The following HECW2 variants were observed in gnomAD, a reference collection of about 807,000 sequenced individuals.
HECW2 encodes HECT, C2 and WW domain containing E3 ubiquitin protein ligase 2, also known as E3 ubiquitin-protein ligase HECW2.
HECW2 carries 61 observed loss-of-function variants against 175.2 expected under a neutral mutation model. That is an observed-to-expected ratio of 0.35 (90% CI 0.28 to 0.43). The LOEUF is 0.43. HECW2 is among the 20% of genes least tolerant of loss of function. HECW2 has a pLI of 1.00. For synonymous variants in HECW2, 671 were observed against 731.0 expected (o/e 0.92, Z 1.32); for missense variants, 1,524 against 2,000.5 (o/e 0.76, Z 4.54).
intron 3 of HECW2, among the ~76,000 whole-genome samples, chr2:196,337,235 G>A (rs1692580518): frequency 6.6e-6 from 1 of 152,090 alleles, no homozygotes; most frequent in African/African-American, 2.4e-5. Context: ...TGCTCAGAAG[G>A]ATGGAAAAGG....
intron 1 of HECW2, among the ~76,000 whole-genome samples, chr2:196,491,472 G>GTA (rs71012914): frequency 0.71 from 96,961 of 136,778 alleles, 34,988 homozygotes; most frequent in East Asian, 0.9. Context: ...TTAGGTGTGT[G>GTA]TATATATATA....
chr2:196,588,865 C>T (rs1322968838), intron 1 of HECW2, among the ~76,000 whole-genome samples: 1 of 151,986 alleles, frequency 6.6e-6, no homozygotes, highest in Admixed American at 6.6e-5. Context: ...CAAAAGTGTC[C>T]TTGTCTGGAT....
rs767670181 is a variant in HECW2 at position 196,215,930 on chromosome 2, G to A, written c.4542C>T (p.Leu1514=). The A allele has an allele frequency of 1.2e-6, 2 of 1,613,912 alleles. No homozygotes were observed. Among genetic ancestry groups the A allele is most frequent in the African/African-American group, 1.3e-5 (1 of 74,900 alleles). Residue 1514 remains leucine (L), a synonymous_variant, in exon 28 of 29, where the codon CTC becomes CTT. Coordinates refer to ENST00000644978, the MANE Select transcript of HECW2 (RefSeq NM_001348768.2). ...ATCTTCTTGGGCCGTTACTCCCTCG[G>A]AGTGAAGCAAATCCTTCATAGGGAA... The part of the protein sequence containing the change: ...SSIPYEGFAS[L]RGSNGPRRFC...
At chr2:196,550,006 A>G (rs745858081) in intron 1 of HECW2, among the ~76,000 whole-genome samples, 6 of 152,242 alleles carry the variant, frequency 3.9e-5, no homozygotes, top group Non-Finnish European at 5.9e-5. Flanking sequence ...TGATAAACAC[A>G]GAATCTTCAA....
At chr2:196,227,737 TCCTCATCCCCA>T (rs1043369243) in intron 22 of HECW2, among the ~76,000 whole-genome samples, 4 of 152,124 alleles carry the variant, frequency 2.6e-5, no homozygotes, top group African/African-American at 9.7e-5. Context: ...GCCCTTCCCC[TCCTCATCCCCA>T]CCTCAGCTTA....
chr2:196,303,280 G>T (rs112015107), intron 13 of HECW2, among the ~76,000 whole-genome samples: 4,078 of 152,290 alleles, frequency 0.027, 83 homozygotes, highest in South Asian at 0.093. Flanking sequence ...GATTGTGGTG[G>T]ATAACTTTTT....
rs143511416 is a variant in HECW2 at position 196,217,066 on chromosome 2, C to T, written c.4436G>A (p.Arg1479Gln). 22 of 1,576,548 alleles carry T rather than the reference C, an allele frequency of 1.4e-5. No individual in the cohort carries two copies. Among genetic ancestry groups the T allele is most frequent in the African/African-American group, 2.8e-5 (2 of 71,258 alleles). Residue 1479 changes from arginine to glutamine, a missense_variant, in exon 27 of 29, where the codon CGG (arginine) becomes CAG (glutamine). Coordinates refer to ENST00000644978, the MANE Select transcript of HECW2 (RefSeq NM_001348768.2). The stretch of plus-strand genomic sequence containing the variant: ...TCTTTCCACTGCAGCCCAGAACCAC[C>T]GAATTACAATATGATTGTCATGGTA... ...GGYHDNHIVIRWFWAAVERFN... is the reference protein window; with the variant it reads ...GGYHDNHIVIQWFWAAVERFN...
At chr2:196,294,473 G>C (rs1690731562) in intron 13 of HECW2, among the ~76,000 whole-genome samples, 1 of 152,006 alleles carries the variant, frequency 6.6e-6, no homozygotes, top group African/African-American at 2.4e-5. Context: ...ATCTATTTTA[G>C]TCTAAATCGT....
chr2:196,419,078 G>C (rs1695336378), intron 2 of HECW2, among the ~76,000 whole-genome samples: 1 of 152,216 alleles, frequency 6.6e-6, no homozygotes, highest in Admixed American at 6.5e-5. Flanking sequence ...GCTGGGTAAG[G>C]TGCTCAGCCT....
intron 1 of HECW2, among the ~76,000 whole-genome samples, chr2:196,591,049 CAT>C (rs1691171406): frequency 6.6e-6 from 1 of 152,212 alleles, no homozygotes; most frequent in Non-Finnish European, 1.5e-5. Context: ...CTACACAACA[CAT>C]AGATAATCCA....
At chr2:196,275,685 G>A (rs952542207) in intron 15 of HECW2, among the ~76,000 whole-genome samples, 1 of 151,970 alleles carries the variant, frequency 6.6e-6, no homozygotes, top group African/African-American at 2.4e-5. Context: ...CCGGGAGGTG[G>A]TGGTTGCAGT....
At chr2:196,579,242 T>C (rs1037723326) in intron 1 of HECW2, among the ~76,000 whole-genome samples, 4 of 152,212 alleles carry the variant, frequency 2.6e-5, no homozygotes, top group East Asian at 1.9e-4. Flanking sequence ...TAAACACCTA[T>C]GAAAATCTCC....
At chr2:196,533,477 G>A (rs1007940154) in intron 1 of HECW2, among the ~76,000 whole-genome samples, 1 of 150,902 alleles carries the variant, frequency 6.6e-6, no homozygotes, top group African/African-American at 2.5e-5. Flanking sequence ...TTGTGTGTGT[G>A]GGGGGGTATC....
chr2:196,330,163 T>C (rs983259112), intron 4 of HECW2, among the ~76,000 whole-genome samples: 23 of 152,332 alleles, frequency 1.5e-4, no homozygotes, highest in African/African-American at 5.0e-4. Context: ...TGCAGGTACA[T>C]GGCACATGCT....
chr2:196,464,070 C>A (rs577344024), intron 1 of HECW2, among the ~76,000 whole-genome samples: 1 of 148,978 alleles, frequency 6.7e-6, no homozygotes, highest in South Asian at 2.1e-4. Context: ...ACCAATACTT[C>A]TGAATAGGAA....
At position 196,319,627 on chromosome 2, in the gene HECW2, A is replaced by G. The variant is rs770006287; in HGVS notation, c.1263T>C (p.Asp421=). 1.9e-6 allele frequency: 3 copies of G among 1,614,108 alleles called. No individual in the cohort carries two copies. In the East Asian group the frequency reaches 6.7e-5, roughly 36 times the overall value. ...GRQDSLNDYL[D]AIEHNGHSRP... ...TGGAGTGGCCATTGTGTTCGATAGC[A>G]TCTAAGTAATCATTGAGTGAATCCT... The change falls in exon 9 of 29, where the codon GAT becomes GAC. Residue 421 remains aspartate, a synonymous_variant. Coordinates refer to ENST00000644978, the MANE Select transcript of HECW2 (RefSeq NM_001348768.2).
intron 2 of HECW2, among the ~76,000 whole-genome samples, chr2:196,410,781 C>T (rs1695088123): frequency 6.6e-6 from 1 of 152,158 alleles, no homozygotes; most frequent in South Asian, 2.1e-4. Flanking sequence ...TTATTCAACA[C>T]ATTTTTATTG....
chr2:196,268,514 C>T (rs1258747431), intron 17 of HECW2, among the ~76,000 whole-genome samples: 1 of 152,196 alleles, frequency 6.6e-6, no homozygotes, highest in Admixed American at 6.5e-5. Flanking sequence ...GGGCCTGCAG[C>T]TTTTCCCTCT....
intron 14 of HECW2, among the ~76,000 whole-genome samples, chr2:196,281,520 G>GT (rs1027008442): frequency 3.3e-5 from 5 of 151,660 alleles, no homozygotes; most frequent in African/African-American, 1.2e-4. Context: ...GACACCTGTA[G>GT]TCCCAGCTAC....
Sources: gnomAD v4.1 joint callset for allele counts (sites outside exome capture counted in the v4.1 genomes callset) on GRCh38, gnomAD v4.1.1 for gene constraint, MANE v1.5 for transcripts, NCBI Gene and HGNC (gene_info 2026-07-23, HGNC 2026-07-21) for gene names.